FGGY: variants seen among roughly 807,000 people sequenced by gnomAD.
FGGY encodes the protein FGGY carbohydrate kinase domain-containing protein.
In FGGY, 72 loss-of-function variants were observed where a neutral mutation model predicts 71.3. The ratio of observed to expected loss-of-function variants is 1.01; its 90% CI spans 0.84 to 1.23. The LOEUF (loss-of-function observed/expected upper bound fraction) is 1.23. Ranked by LOEUF, FGGY falls within the 50% of genes most tolerant of loss-of-function variation. The pLI, the probability that FGGY is intolerant of heterozygous loss-of-function variation, is 0.00. For missense variants in FGGY, 668 were observed against 682.3 expected (o/e 0.98, Z 0.23); for synonymous variants, 251 against 250.3 (o/e 1.00, Z -0.02).
chr1:59,597,928 T>G (rs993566143), intron 8 of FGGY, among the ~76,000 whole-genome samples: 1 of 152,224 alleles, frequency 6.6e-6, no homozygotes, highest in African/African-American at 2.4e-5. Flanking sequence ...ATAGAAGATA[T>G]GGTTCTGACT....
intron 4 of FGGY, among the ~76,000 whole-genome samples, chr1:59,349,000 A>G (rs978990582): frequency 6.6e-6 from 1 of 152,120 alleles, no homozygotes; most frequent in African/African-American, 2.4e-5. Flanking sequence ...TCGGGTATAT[A>G]CTGAAACACA....
At chr1:59,455,769 C>A (rs569433619) in intron 5 of FGGY, among the ~76,000 whole-genome samples, 1 of 152,110 alleles carries the variant, frequency 6.6e-6, no homozygotes, top group African/African-American at 2.4e-5. Flanking sequence ...AGTGCCTAAC[C>A]CAGAACTGGA....
rs150068038 is a variant in FGGY at position 59,749,051 on chromosome 1, A to G, written c.1513-8880A>G. Among the ~76,000 whole-genome samples the G allele has an allele frequency of 3.0e-3, 461 of 152,312 alleles. 4 individuals carry two copies. Among genetic ancestry groups the G allele is most frequent in the African/African-American group, 0.011 (447 of 41,560 alleles). ...AAAACCCCTAAATGATGGGGTTTAGACAGCTTCTGGATTGGTGAACACAGG... is the reference window on the plus strand; with the variant it reads ...AAAACCCCTAAATGATGGGGTTTAGGCAGCTTCTGGATTGGTGAACACAGG... On this transcript the variant is annotated intron_variant, in intron 14 of 15. Coordinates refer to ENST00000303721, the MANE Select transcript of FGGY (RefSeq NM_018291.5).
At chr1:59,576,677 GAC>G (rs57817494) in intron 8 of FGGY, among the ~76,000 whole-genome samples, 8,489 of 129,954 alleles carry the variant, frequency 0.065, 337 homozygotes, top group African/African-American at 0.14. Context: ...CAGACAGACA[GAC>G]ACACACACAC....
chr1:59,515,518 C>T lies in FGGY; in HGVS notation c.799+3079C>T, dbSNP rs576200185. Among the ~76,000 whole-genome samples, 94 of 152,020 alleles carry T rather than the reference C, an allele frequency of 6.2e-4. 1 individual carries two copies. Among genetic ancestry groups the T allele is most frequent in the South Asian group, 1.5e-3 (7 of 4,812 alleles). On this transcript the variant is annotated intron_variant, in intron 7 of 15. Coordinates refer to ENST00000303721, the MANE Select transcript of FGGY (RefSeq NM_018291.5). ...ACCTGAGATTGGGAGGGGCCAGGGG[C>T]GGAATGATAATGATTTGGCTGTGTC...
At chr1:59,344,806 G>A (rs182014408) in intron 3 of FGGY, among the ~76,000 whole-genome samples, 1 of 152,246 alleles carries the variant, frequency 6.6e-6, no homozygotes, top group East Asian at 1.9e-4. Flanking sequence ...TACACATTCA[G>A]TACAGATGCA....
chr1:59,471,058 C>T (rs2092915732), intron 6 of FGGY, among the ~76,000 whole-genome samples: 1 of 152,142 alleles, frequency 6.6e-6, no homozygotes, highest in Non-Finnish European at 1.5e-5. Flanking sequence ...CTGAGGGAGG[C>T]TTATATGGTT....
At chr1:59,664,833 G>A (rs1256830180) in intron 12 of FGGY, among the ~76,000 whole-genome samples, 1 of 152,070 alleles carries the variant, frequency 6.6e-6, no homozygotes, top group Non-Finnish European at 1.5e-5. Context: ...GGTATTACTA[G>A]ATTTCATCAA....
At chr1:59,391,854 AT>A (rs1446318582) in intron 5 of FGGY, among the ~76,000 whole-genome samples, 7 of 152,308 alleles carry the variant, frequency 4.6e-5, no homozygotes, top group African/African-American at 1.2e-4. Flanking sequence ...TGCTTTTTCA[AT>A]ATGATAAAGT....
chr1:59,707,244 C>G (rs372416215), intron 14 of FGGY, among the ~76,000 whole-genome samples: 1 of 152,176 alleles, frequency 6.6e-6, no homozygotes, highest in East Asian at 1.9e-4. Flanking sequence ...AAACTGCGAG[C>G]TGGAGAGGTT....
intron 9 of FGGY, among the ~76,000 whole-genome samples, chr1:59,614,820 T>C (rs977318070): frequency 4.6e-5 from 7 of 152,150 alleles, no homozygotes; most frequent in African/African-American, 1.7e-4. Context: ...ACAAAATCAA[T>C]GTGCAAAAAT....
Position 59,512,310 on chromosome 1 carries a change from G to A in FGGY, c.671-1G>A. The A allele has an allele frequency of 6.2e-7, 1 of 1,605,226 alleles. No homozygotes were observed. The highest frequency in any genetic ancestry group is 8.5e-7 in the Non-Finnish European group (1 of 1,175,146). On this transcript the variant is annotated splice_acceptor_variant, in intron 6 of 15. Coordinates refer to ENST00000303721, the MANE Select transcript of FGGY (RefSeq NM_018291.5). LOFTEE classifies it high-confidence loss of function. ...GTTTGTTTTTTCTCATGTCTACCCA[G>A]GAAACCAAGTGCTACCTCCTGGAGC...
rs529935066 is a variant in FGGY, at chr1:59,536,776, G to A, written c.800-17348G>A. ...CACATGATTATCTCAATAGATGCAG[G>A]CCTTTGACAAAATTCAACAACCCTT... On this transcript the variant is annotated intron_variant, in intron 7 of 15. Coordinates refer to ENST00000303721, the MANE Select transcript of FGGY (RefSeq NM_018291.5). Among the ~76,000 whole-genome samples the A allele has an allele frequency of 2.0e-5, 3 of 152,128 alleles. No individual in the cohort carries two copies. In the East Asian group the frequency reaches 5.8e-4, roughly 29 times the overall value.
intron 6 of FGGY, among the ~76,000 whole-genome samples, chr1:59,480,052 C>T (rs1358392819): frequency 6.6e-6 from 1 of 152,154 alleles, no homozygotes; most frequent in East Asian, 1.9e-4. Flanking sequence ...AGCCTGTGTT[C>T]CCATAATCTC....
At chr1:59,715,946 A>C (rs748010576) in intron 14 of FGGY, among the ~76,000 whole-genome samples, 9 of 152,194 alleles carry the variant, frequency 5.9e-5, no homozygotes, top group African/African-American at 9.7e-5. Context: ...CTGTGCTACA[A>C]CTGCAGAGTT....
intron 5 of FGGY, among the ~76,000 whole-genome samples, chr1:59,437,361 T>C (rs999789485): frequency 1.1e-4 from 16 of 152,284 alleles, no homozygotes; most frequent in Admixed American, 7.8e-4. Context: ...ACTGGCCCAG[T>C]GGTAGAGCTC....
At chr1:59,607,700 C>T in intron 8 of FGGY, 103 bp from the exon 9 acceptor site, 1 of 835,838 alleles carries the variant, frequency 1.2e-6, no homozygotes, top group Non-Finnish European at 1.9e-6. Flanking sequence ...AAAAGGCATT[C>T]AATAAGAAGC....
At chr1:59,524,500 C>G (rs149907088) in intron 7 of FGGY, among the ~76,000 whole-genome samples, 3 of 152,174 alleles carry the variant, frequency 2.0e-5, no homozygotes, top group Non-Finnish European at 4.4e-5. Context: ...TTTTCTGGGT[C>G]CACCCATGGC....
chr1:59,314,711 T>G (rs1302451151), intron 1 of FGGY, among the ~76,000 whole-genome samples: 2 of 152,240 alleles, frequency 1.3e-5, no homozygotes, highest in Non-Finnish European at 2.9e-5. Context: ...CCAAATGCAG[T>G]GACTATTTGT....
Sources: allele counts gnomAD v4.1 joint callset (sites outside exome capture counted in the v4.1 genomes callset), GRCh38; gene constraint gnomAD v4.1.1; transcripts MANE v1.5; gene names NCBI Gene and HGNC (gene_info 2026-07-23, HGNC 2026-07-21).